The following ENTREP2 variants were observed in gnomAD, a reference collection of about 807,000 sequenced individuals.
The protein encoded by ENTREP2 is protein ENTREP2.
the ENTREP2 span, among the ~76,000 whole-genome samples, chr15:29,350,939 A>AAAAT: frequency 1.3e-5 from 2 of 152,266 alleles, no homozygotes; most frequent in East Asian, 3.9e-4. Flanking sequence ...GACTCCGTCT[A>AAAAT]AAATAAATAA....
chr15:29,213,299 TTAAAG>T, the ENTREP2 span, among the ~76,000 whole-genome samples: 17 of 152,116 alleles, frequency 1.1e-4, no homozygotes, highest in Non-Finnish European at 1.9e-4. Flanking sequence ...CATATGAACT[TTAAAG>T]TAGTTTTTTC....
the ENTREP2 span, among the ~76,000 whole-genome samples, chr15:29,614,453 G>A: frequency 6.6e-6 from 1 of 152,108 alleles, no homozygotes; most frequent in Non-Finnish European, 1.5e-5. Flanking sequence ...TGGGGAGAGG[G>A]AGGGTCTAGA....
chr15:29,603,797 C>T, the ENTREP2 span, among the ~76,000 whole-genome samples: 1 of 152,086 alleles, frequency 6.6e-6, no homozygotes, highest in African/African-American at 2.4e-5. Context: ...CACCACCACG[C>T]CTGGCTAACT....
At chr15:29,318,293 T>C in the ENTREP2 span, among the ~76,000 whole-genome samples, 1 of 150,446 alleles carries the variant, frequency 6.6e-6, no homozygotes, top group African/African-American at 2.5e-5. Flanking sequence ...AATGAAGTAT[T>C]TTTAAATTAA....
At chr15:29,628,836 A>G in the ENTREP2 span, among the ~76,000 whole-genome samples, 3 of 151,944 alleles carry the variant, frequency 2.0e-5, no homozygotes, top group Non-Finnish European at 2.9e-5. Context: ...TGCAACCTCT[A>G]CCTCCTGGGT....
chr15:29,127,845 G>A, the ENTREP2 span, among the ~76,000 whole-genome samples: 16 of 152,298 alleles, frequency 1.1e-4, no homozygotes, highest in African/African-American at 2.9e-4. Context: ...AGGTGTGGCC[G>A]CCCTGTGACA....
the ENTREP2 span, among the ~76,000 whole-genome samples, chr15:29,397,857 A>G: frequency 1.3e-5 from 2 of 152,188 alleles, no homozygotes; most frequent in Non-Finnish European, 2.9e-5. Flanking sequence ...TGTAACAATC[A>G]CAAACCTGTA....
the ENTREP2 span, among the ~76,000 whole-genome samples, chr15:29,405,531 G>C: frequency 0.011 from 1,733 of 152,238 alleles, 32 homozygotes; most frequent in African/African-American, 0.04. Context: ...GCTTCATCCA[G>C]GTCACTCCAT....
chr15:29,599,896 C>T, the ENTREP2 span, among the ~76,000 whole-genome samples: 2 of 152,236 alleles, frequency 1.3e-5, no homozygotes, highest in East Asian at 3.8e-4. Flanking sequence ...TTAGGCAAAG[C>T]ACCAGCTCTC....
At chr15:29,674,264 T>TA in the ENTREP2 span, among the ~76,000 whole-genome samples, 2 of 149,662 alleles carry the variant, frequency 1.3e-5, no homozygotes, top group East Asian at 4.2e-4. Context: ...GCAGAGTTGT[T>TA]TTTTTTGTTT....
At chr15:29,455,892 A>C in the ENTREP2 span, among the ~76,000 whole-genome samples, 60 of 152,338 alleles carry the variant, frequency 3.9e-4, no homozygotes, top group African/African-American at 1.3e-3. Flanking sequence ...GTGGCTCCTT[A>C]TGAAAAGCTA....
the ENTREP2 span, among the ~76,000 whole-genome samples, chr15:29,305,743 C>T: frequency 6.6e-6 from 1 of 152,174 alleles, no homozygotes; most frequent in East Asian, 1.9e-4. Flanking sequence ...ATGGAAATGC[C>T]TACCAGACAT....
chr15:29,214,570 G>A, the ENTREP2 span, among the ~76,000 whole-genome samples: 1 of 152,042 alleles, frequency 6.6e-6, no homozygotes, highest in African/African-American at 2.4e-5. Flanking sequence ...GATAGCATTA[G>A]GAGATATACC....
chr15:29,414,412 C>T, the ENTREP2 span, among the ~76,000 whole-genome samples: 2 of 152,042 alleles, frequency 1.3e-5, no homozygotes, highest in South Asian at 2.1e-4. Context: ...GGGTACATCA[C>T]GAAATGAAGG....
chr15:29,200,481 A>G, the ENTREP2 span, among the ~76,000 whole-genome samples: 3 of 151,950 alleles, frequency 2.0e-5, no homozygotes, highest in Non-Finnish European at 4.4e-5. Context: ...TCGTCTCCAT[A>G]TACATTTTAG....
At chr15:29,545,673 CCA>C in the ENTREP2 span, among the ~76,000 whole-genome samples, 1 of 152,114 alleles carries the variant, frequency 6.6e-6, no homozygotes, top group African/African-American at 2.4e-5. Flanking sequence ...GTCATTTTTG[CCA>C]CAGTGTACAA....
the ENTREP2 span, among the ~76,000 whole-genome samples, chr15:29,599,663 A>G: frequency 5.1e-4 from 78 of 152,342 alleles, no homozygotes; most frequent in Non-Finnish European, 5.6e-4. Context: ...TGTGTGTAAG[A>G]CAGCACCATT....
At chr15:29,166,792 T>C in the ENTREP2 span, among the ~76,000 whole-genome samples, 1 of 152,040 alleles carries the variant, frequency 6.6e-6, no homozygotes, top group African/African-American at 2.4e-5. Context: ...AATACCACCA[T>C]CATTCTTCAC....
the ENTREP2 span, among the ~76,000 whole-genome samples, chr15:29,468,552 G>C: frequency 1.3e-5 from 2 of 150,010 alleles, no homozygotes; most frequent in Non-Finnish European, 3.0e-5. Flanking sequence ...AGAGATTGCA[G>C]TGAGCCGAGA....
Sources: allele counts gnomAD v4.1 joint callset (sites outside exome capture counted in the v4.1 genomes callset), GRCh38; gene constraint gnomAD v4.1.1; transcripts MANE v1.5; gene names NCBI Gene and HGNC (gene_info 2026-07-23, HGNC 2026-07-21).